Variants in WDR41 observed in about 807,000 individuals in gnomAD.
WDR41 encodes WD repeat-containing protein 41.
Under a neutral mutation model 69.3 loss-of-function variants are expected in WDR41, and 63 were observed. That is an observed-to-expected ratio of 0.91 (90% CI 0.74 to 1.12). The LOEUF (loss-of-function observed/expected upper bound fraction) is 1.12, where lower values mean the gene tolerates loss of function less well. WDR41 is among the 50% of genes most tolerant of loss of function. The pLI, the probability that WDR41 is intolerant of heterozygous loss-of-function variation, is 0.00. For missense variants in WDR41, 543 were observed against 534.5 expected (o/e 1.02, Z -0.16); for synonymous variants, 185 against 192.1 (o/e 0.96, Z 0.31).
intron 1 of WDR41, among the ~76,000 whole-genome samples, chr5:77,518,615 A>G (rs1168636935): frequency 2.0e-5 from 3 of 152,116 alleles, no homozygotes; most frequent in Non-Finnish European, 4.4e-5. Context: ...GCTTACTCCA[A>G]TGATAAATGT....
At chr5:77,434,807 C>T (rs1394491066) in intron 12 of WDR41, among the ~76,000 whole-genome samples, 1 of 152,096 alleles carries the variant, frequency 6.6e-6, no homozygotes, top group African/African-American at 2.4e-5. Flanking sequence ...AACACTTTCA[C>T]TCAGGAAAAT....
intron 5 of WDR41, among the ~76,000 whole-genome samples, chr5:77,457,729 C>T (rs890853661): frequency 5.9e-5 from 9 of 151,668 alleles, no homozygotes; most frequent in Admixed American, 4.6e-4. Context: ...TAGTATTTCT[C>T]ATATTAGGGA....
rs919472974 is a variant in WDR41 at position 77,600,957 on chromosome 5, G to T, written c.42+19522C>A. Among the ~76,000 whole-genome samples, 9 of 151,768 alleles carry T rather than the reference G, an allele frequency of 5.9e-5. 1 individual carries two copies. The highest frequency in any genetic ancestry group is 4.6e-4 in the Admixed American group (7 of 15,184). On this transcript the variant is annotated intron_variant, in intron 1 of 5. Transcript: ENST00000509971. The stretch of plus-strand genomic sequence containing the variant: ...TGTGTGTGTGTGTGTGTGTGTGTGT[G>T]TGTGTGTAAGGCCATAAACAGTGTG...
chr5:77,514,390 CCTG>C (rs1802261816), intron 1 of WDR41, among the ~76,000 whole-genome samples: 1 of 152,158 alleles, frequency 6.6e-6, no homozygotes, highest in East Asian at 1.9e-4. Flanking sequence ...ATTAGCAATG[CCTG>C]TCTTAACATT....
chr5:77,558,154 C>T (rs1479888423), intron 1 of WDR41, among the ~76,000 whole-genome samples: 2 of 141,574 alleles, frequency 1.4e-5, no homozygotes, highest in East Asian at 2.1e-4. Context: ...CGTTAAAATG[C>T]GATTCTTCAA....
At chr5:77,582,871 C>G in intron 1 of WDR41, 1 of 1,604,972 alleles carries the variant, frequency 6.2e-7, no homozygotes, top group Non-Finnish European at 8.5e-7. Context: ...CAATAAGAAG[C>G]GAATTGCTTT....
At chr5:77,440,134 T>C (rs962744961) in intron 9 of WDR41, among the ~76,000 whole-genome samples, 4 of 152,168 alleles carry the variant, frequency 2.6e-5, no homozygotes, top group African/African-American at 9.7e-5. Context: ...TTAAACAGTA[T>C]AGAAAGTCAC....
intron 12 of WDR41, among the ~76,000 whole-genome samples, chr5:77,434,169 A>G (rs1442109989): frequency 6.6e-6 from 1 of 152,098 alleles, no homozygotes; most frequent in East Asian, 1.9e-4. Context: ...TGTCTATACT[A>G]AAAATTAGCT....
At chr5:77,457,722 T>C (rs1350187352) in intron 5 of WDR41, among the ~76,000 whole-genome samples, 1 of 151,054 alleles carries the variant, frequency 6.6e-6, no homozygotes, top group Non-Finnish European at 1.5e-5. Flanking sequence ...TAAATGATAG[T>C]ATTTCTCATA....
Position 77,440,993 on chromosome 5 carries a change from C to T in WDR41, c.702G>A (p.Leu234=), listed in dbSNP as rs995342052. The change falls in exon 9 of 13, where the codon TTG becomes TTA. Residue 234 remains leucine, a synonymous_variant. Coordinates refer to ENST00000296679, the MANE Select transcript of WDR41 (RefSeq NM_018268.4). ...NILSLINVND[L]SFVTGSHVGE... Reference sequence around the variant, plus strand: ...CGACGTGGGAGCCGGTGACAAAACTCAAATCTAGGCAAAGTTCACATATGC... The same window carrying T: ...CGACGTGGGAGCCGGTGACAAAACTTAAATCTAGGCAAAGTTCACATATGC... 6 of 1,613,068 alleles carry T rather than the reference C, an allele frequency of 3.7e-6. No homozygotes were observed. The highest frequency in any genetic ancestry group is 5.1e-6 in the Non-Finnish European group (6 of 1,179,576).
chr5:77,578,087 A>T (rs1005482016), intron 1 of WDR41, among the ~76,000 whole-genome samples: 2 of 152,242 alleles, frequency 1.3e-5, no homozygotes, highest in Non-Finnish European at 2.9e-5. Context: ...ACCCGAAAAA[A>T]GATCAAAATT....
intron 1 of WDR41, among the ~76,000 whole-genome samples, chr5:77,501,180 C>T (rs34318118): frequency 0.27 from 41,491 of 152,210 alleles, 6,132 homozygotes; most frequent in Non-Finnish European, 0.33. Context: ...CCAAATACTG[C>T]GCTTTTCCCA....
At chr5:77,612,669 A>C (rs1424719267) in intron 1 of WDR41, among the ~76,000 whole-genome samples, 2 of 152,198 alleles carry the variant, frequency 1.3e-5, no homozygotes, top group Non-Finnish European at 2.9e-5. Flanking sequence ...TATCTATGAC[A>C]AACCCACAGC....
At chr5:77,551,244 GAATAA>G (rs1158649784) in intron 1 of WDR41, among the ~76,000 whole-genome samples, 27 of 152,114 alleles carry the variant, frequency 1.8e-4, no homozygotes, top group African/African-American at 6.3e-4. Context: ...CAGAAAGAAA[GAATAA>G]AATAAAATAA....
At chr5:77,488,191 C>A (rs1801606670) in intron 2 of WDR41, among the ~76,000 whole-genome samples, 1 of 152,140 alleles carries the variant, frequency 6.6e-6, no homozygotes, top group Non-Finnish European at 1.5e-5. Context: ...GCTAGTGTCT[C>A]CAGTGAGGGG....
chr5:77,450,459 C>G (rs115065033), intron 7 of WDR41, among the ~76,000 whole-genome samples: 2,443 of 152,270 alleles, frequency 0.016, 31 homozygotes, highest in Non-Finnish European at 0.023. Context: ...TACTCATTAT[C>G]TGACTTTAAC....
chr5:77,475,408 C>T (rs554928225), intron 2 of WDR41, among the ~76,000 whole-genome samples: 9 of 152,332 alleles, frequency 5.9e-5, no homozygotes, highest in African/African-American at 2.2e-4. Context: ...CCTCTGCAGA[C>T]TTAAATGTCC....
chr5:77,562,237 G>T (rs1477170029), intron 1 of WDR41, among the ~76,000 whole-genome samples: 3 of 152,132 alleles, frequency 2.0e-5, no homozygotes, highest in Admixed American at 6.6e-5. Context: ...GGGCAGAGGG[G>T]CCCTGTAAAT....
intron 4 of WDR41, among the ~76,000 whole-genome samples, chr5:77,461,726 T>C (rs182096801): frequency 1.3e-3 from 198 of 151,992 alleles, no homozygotes; most frequent in Non-Finnish European, 1.9e-3. Flanking sequence ...TAGTCCCAGC[T>C]ACTTGGGTGG....
Sources: gnomAD v4.1 joint callset for allele counts (sites outside exome capture counted in the v4.1 genomes callset) on GRCh38, gnomAD v4.1.1 for gene constraint, MANE v1.5 for transcripts, NCBI Gene and HGNC (gene_info 2026-07-23, HGNC 2026-07-21) for gene names.